RMST: variants seen among roughly 807,000 people sequenced by gnomAD.
RMST encodes the protein rhabdomyosarcoma 2 associated transcript.
chr12:97,505,867 T>A (rs1022452238), intron 10 of RMST, among the ~76,000 whole-genome samples: 1 of 152,204 alleles, frequency 6.6e-6, no homozygotes, highest in African/African-American at 2.4e-5. Flanking sequence ...TTCAGATGGA[T>A]GGAAAGAAAG....
At chr12:97,471,877 G>A (rs1353555760) in intron 5 of RMST, among the ~76,000 whole-genome samples, 1 of 152,074 alleles carries the variant, frequency 6.6e-6, no homozygotes, top group Admixed American at 6.6e-5. Context: ...CATATTAACG[G>A]CTTGTTTTGT....
chr12:97,506,947 G>T (rs1035616514), intron 10 of RMST, among the ~76,000 whole-genome samples: 1 of 152,068 alleles, frequency 6.6e-6, no homozygotes, highest in Non-Finnish European at 1.5e-5. Flanking sequence ...CTCCCAAAGT[G>T]CTGGGATTAT....
intron 5 of RMST, among the ~76,000 whole-genome samples, chr12:97,472,238 T>C (rs1172859280): frequency 6.6e-6 from 1 of 152,078 alleles, no homozygotes; most frequent in African/African-American, 2.4e-5. Flanking sequence ...ATATTGAGAA[T>C]GGTGTAACTT....
chr12:97,476,790 A>G (rs113554970), intron 5 of RMST, among the ~76,000 whole-genome samples: 12 of 152,328 alleles, frequency 7.9e-5, no homozygotes, highest in African/African-American at 2.9e-4. Context: ...GGGGTTGAAG[A>G]TCTAAAAAAA....
At chr12:97,540,530 A>G (rs1402662440) in intron 11 of RMST, among the ~76,000 whole-genome samples, 1 of 151,772 alleles carries the variant, frequency 6.6e-6, no homozygotes. Flanking sequence ...TTTCAGACAA[A>G]TGGGACTTGA....
rs572264623 is a variant in RMST at position 97,549,968 on chromosome 12, T to C, written n.1546-10569T>C. Among the ~76,000 whole-genome samples, 26 of 152,342 alleles carry C rather than the reference T, an allele frequency of 1.7e-4. 1 individual carries two copies. The South Asian group carries it at 5.4e-3, about 32-fold the overall frequency. The stretch of plus-strand genomic sequence containing the variant: ...ATTCGGTATTTTGTAATAAATGTTT[T>C]ATTTCCCGTTTTATATGCCAAGAGG... On this transcript the variant is annotated intron_variant and non_coding_transcript_variant, in intron 11 of 13. Coordinates refer to ENST00000640149, the Ensembl canonical transcript of RMST.
chr12:97,561,341 CT>C lies in RMST; in HGVS notation n.1958+295del, dbSNP rs1207660749. Among the ~76,000 whole-genome samples the C allele has an allele frequency of 4.5e-4, 69 of 152,242 alleles. 1 individual carries two copies. The highest frequency in any genetic ancestry group is 1.6e-3 in the African/African-American group (67 of 41,534). ...TGAGTGCATGTCCAGTAGTTTATGT[CT>C]CTGTGTCTGTATGTGCCCTTGTTCT... is the stretch of plus-strand genomic sequence containing the variant. On this transcript the variant is annotated intron_variant and non_coding_transcript_variant, in intron 13 of 13. Transcript: ENST00000640149.
intron 11 of RMST, among the ~76,000 whole-genome samples, chr12:97,553,324 G>T (rs542213043): frequency 1.3e-5 from 2 of 152,096 alleles, no homozygotes; most frequent in Non-Finnish European, 2.9e-5. Context: ...GAGAAGAAAT[G>T]GCCTTTTCTT....
rs568849143 is a variant in RMST at position 97,466,440 on chromosome 12, A to T, written n.644+713A>T. Among the ~76,000 whole-genome samples the T allele has an allele frequency of 2.4e-4, 37 of 152,248 alleles. No individual in the cohort carries two copies. The South Asian group carries it at 7.3e-3, about 30-fold the overall frequency. On this transcript the variant is annotated intron_variant and non_coding_transcript_variant, in intron 5 of 13. Coordinates refer to ENST00000640149, the Ensembl canonical transcript of RMST. ...AATTTCCCAAGATTTAATTTTAGGT[A>T]TTTGGAGACAAGTACTCCTCGGTAT...
intron 10 of RMST, among the ~76,000 whole-genome samples, chr12:97,502,424 C>G (rs893907756): frequency 1.3e-5 from 2 of 152,116 alleles, no homozygotes; most frequent in Non-Finnish European, 2.9e-5. Context: ...GTTGTGGAGG[C>G]ACACAGAGGC....
At chr12:97,549,681 C>T (rs928735747) in intron 11 of RMST, among the ~76,000 whole-genome samples, 2 of 152,184 alleles carry the variant, frequency 1.3e-5, no homozygotes, top group Non-Finnish European at 2.9e-5. Context: ...TGAGGCAGCA[C>T]GGTTGTCAAG....
Position 97,550,125 on chromosome 12 carries a change from G to A in RMST, n.1546-10412G>A, listed in dbSNP as rs562927789. 3.8e-4 allele frequency among the ~76,000 whole-genome samples: 58 copies of A among 152,190 alleles called. No individual in the cohort carries two copies. The Middle Eastern group carries it at 0.014, about 36-fold the overall frequency. ...TGTTCTAAATATTGTATTGACAGCCGTTAAAAATAAATATATAGCACTTTG... is the reference window on the plus strand; with the variant it reads ...TGTTCTAAATATTGTATTGACAGCCATTAAAAATAAATATATAGCACTTTG... On this transcript the variant is annotated intron_variant and non_coding_transcript_variant, in intron 11 of 13. Coordinates refer to ENST00000640149, the Ensembl canonical transcript of RMST.
chr12:97,481,830 A>T (rs1395170397), intron 5 of RMST, among the ~76,000 whole-genome samples: 1 of 152,172 alleles, frequency 6.6e-6, no homozygotes, highest in African/African-American at 2.4e-5. Flanking sequence ...GATATTATAA[A>T]TATTTCCAAG....
At position 97,504,319 on chromosome 12, in the gene RMST, G is replaced by A. The variant is rs370420604; in HGVS notation, n.1340+8263G>A. Among the ~76,000 whole-genome samples the A allele has an allele frequency of 2.7e-5, 4 of 150,516 alleles. No individual in the cohort carries two copies. The East Asian group carries it at 6.0e-4, about 22-fold the overall frequency. The stretch of plus-strand genomic sequence containing the variant: ...CTTGGGAGGCTGAGGCAGGAAAATC[G>A]CTTAAACCTGGGAGGCAGAGGTTGC... On this transcript the variant is annotated intron_variant and non_coding_transcript_variant, in intron 10 of 13. Transcript: ENST00000640149.
At chr12:97,475,587 G>GTTTT (rs58995040) in intron 5 of RMST, among the ~76,000 whole-genome samples, 9 of 141,020 alleles carry the variant, frequency 6.4e-5, no homozygotes, top group African/African-American at 1.8e-4. Flanking sequence ...CTTTTTTTTT[G>GTTTT]TTTTTTTTTT....
At chr12:97,514,388 A>T (rs1380635332) in intron 10 of RMST, among the ~76,000 whole-genome samples, 1 of 152,226 alleles carries the variant, frequency 6.6e-6, no homozygotes, top group African/African-American at 2.4e-5. Context: ...CATGTTCAAG[A>T]AATGTTTTCT....
At chr12:97,520,654 T>C (rs771223863) in intron 10 of RMST, among the ~76,000 whole-genome samples, 1 of 152,182 alleles carries the variant, frequency 6.6e-6, no homozygotes, top group Non-Finnish European at 1.5e-5. Context: ...CCAAACGATT[T>C]TTAATTCTCT....
At chr12:97,467,545 G>C (rs1397780382) in intron 5 of RMST, among the ~76,000 whole-genome samples, 1 of 151,888 alleles carries the variant, frequency 6.6e-6, no homozygotes, top group African/African-American at 2.4e-5. Context: ...TAATTTTTTA[G>C]AGAAGTAAAA....
intron 5 of RMST, among the ~76,000 whole-genome samples, chr12:97,470,789 G>T (rs1019233554): frequency 2.0e-5 from 3 of 151,800 alleles, no homozygotes; most frequent in African/African-American, 4.8e-5. Flanking sequence ...TTATTTTTCT[G>T]TTTCCTGGGA....
Sources: allele counts gnomAD v4.1 joint callset (sites outside exome capture counted in the v4.1 genomes callset), GRCh38; gene constraint gnomAD v4.1.1; transcripts MANE v1.5; gene names NCBI Gene and HGNC (gene_info 2026-07-23, HGNC 2026-07-21).